Variants in GPHN observed in about 807,000 individuals in gnomAD.
GPHN encodes the protein gephyrin.
In GPHN, 17 loss-of-function variants were observed where a neutral mutation model predicts 95.5. The observed-to-expected ratio is 0.18, with a 90% CI of 0.12 to 0.27. GPHN has a LOEUF of 0.27. GPHN is among the 10% of genes least tolerant of loss of function. GPHN has a pLI of 1.00. For missense variants in GPHN, 660 were observed against 978.1 expected, an observed-to-expected ratio of 0.67 and a Z score of 4.34; for synonymous variants, 320 against 322.5, an observed-to-expected ratio of 0.99 and a Z score of 0.08.
At chr14:66,577,021 T>G (rs1470249811) in intron 1 of GPHN, among the ~76,000 whole-genome samples, 2 of 152,206 alleles carry the variant, frequency 1.3e-5, no homozygotes, top group South Asian at 2.1e-4. Flanking sequence ...GACATTGATG[T>G]TATAACTGAA....
chr14:67,429,093 A>G, the GPHN span, among the ~76,000 whole-genome samples: 1 of 152,172 alleles, frequency 6.6e-6, no homozygotes, highest in Non-Finnish European at 1.5e-5. Flanking sequence ...TAACTTGCTC[A>G]AGTTCACAAA....
intron 20 of GPHN, among the ~76,000 whole-genome samples, chr14:67,166,056 C>T (rs2082258922): frequency 6.6e-6 from 1 of 152,074 alleles, no homozygotes; most frequent in South Asian, 2.1e-4. Context: ...ATTTACAAAT[C>T]TCATGGCTTT....
At chr14:66,605,527 A>ATT (rs59245552) in intron 1 of GPHN, among the ~76,000 whole-genome samples, 19,119 of 116,278 alleles carry the variant, frequency 0.16, 2,789 homozygotes, top group East Asian at 0.4. Context: ...TCCTTTGCCG[A>ATT]TTTTTTTTTT....
At chr14:66,961,900 GTATATATATATATA>G (rs767734322) in intron 8 of GPHN, among the ~76,000 whole-genome samples, 535 of 53,004 alleles carry the variant, frequency 0.01, 9 homozygotes, top group South Asian at 0.03. Flanking sequence ...CCCTGAATGT[GTATATATATATATA>G]TATATATATA....
intron 18 of GPHN, among the ~76,000 whole-genome samples, chr14:67,146,555 C>G (rs1428143805): frequency 6.6e-6 from 1 of 152,166 alleles, no homozygotes; most frequent in Non-Finnish European, 1.5e-5. Context: ...TTCTAAGTCT[C>G]TTAAGTTTTG....
At chr14:67,020,491 C>G (rs568700834) in intron 9 of GPHN, among the ~76,000 whole-genome samples, 1 of 152,166 alleles carries the variant, frequency 6.6e-6, no homozygotes, top group Non-Finnish European at 1.5e-5. Context: ...TATGTGCTCT[C>G]CCTTCTGTTT....
intron 1 of GPHN, among the ~76,000 whole-genome samples, chr14:66,512,794 T>A (rs1251220070): frequency 6.6e-6 from 1 of 151,798 alleles, no homozygotes; most frequent in African/African-American, 2.4e-5. Flanking sequence ...TCTGCAATTG[T>A]TTAAGCATTT....
chr14:67,572,029 C>T, the GPHN span: 32 of 1,478,652 alleles, frequency 2.2e-5, no homozygotes, highest in Non-Finnish European at 2.7e-5. Flanking sequence ...CCACCCCCAG[C>T]CCCAGAGACC....
At chr14:66,765,932 C>T (rs760648170) in intron 2 of GPHN, among the ~76,000 whole-genome samples, 6 of 152,130 alleles carry the variant, frequency 3.9e-5, no homozygotes, top group Non-Finnish European at 8.8e-5. Flanking sequence ...AATAGAGACT[C>T]CAGTTCCACC....
intron 1 of GPHN, among the ~76,000 whole-genome samples, chr14:66,569,956 C>A (rs1374977411): frequency 1.3e-5 from 2 of 152,130 alleles, no homozygotes; most frequent in African/African-American, 4.8e-5. Context: ...CATCCTCCAT[C>A]CCTAGCCCCT....
rs139281336 is a variant in GPHN at position 66,861,587 on chromosome 14, T to C, written c.295-18352T>C. 1.4e-4 allele frequency among the ~76,000 whole-genome samples: 22 copies of C among 152,188 alleles called. No individual in the cohort carries two copies. In the East Asian group the frequency reaches 4.2e-3, roughly 29 times the overall value. On this transcript the variant is annotated intron_variant, in intron 4 of 22. Coordinates refer to ENST00000478722, the MANE Select transcript of GPHN (RefSeq NM_020806.5). ...AGAGATAATTCTAAAGGATAGACCATATGTTGGGTCACAAAACAAGCCTCA... is the reference window on the plus strand; with the variant it reads ...AGAGATAATTCTAAAGGATAGACCACATGTTGGGTCACAAAACAAGCCTCA...
chr14:66,822,577 A>G (rs1358642539), intron 3 of GPHN, among the ~76,000 whole-genome samples: 1 of 152,204 alleles, frequency 6.6e-6, no homozygotes, highest in East Asian at 1.9e-4. Context: ...TAGGTACTTC[A>G]TAAATGTTTA....
chr14:67,177,061 TTG>T (rs2083012374), intron 21 of GPHN, among the ~76,000 whole-genome samples: 1 of 152,330 alleles, frequency 6.6e-6, no homozygotes, highest in East Asian at 1.9e-4. Flanking sequence ...GAAGGGTTTT[TTG>T]TGTCTCTATC....
chr14:66,651,456 C>T (rs989774095), intron 1 of GPHN, among the ~76,000 whole-genome samples: 2 of 152,130 alleles, frequency 1.3e-5, no homozygotes, highest in African/African-American at 4.8e-5. Context: ...GTATGATCAC[C>T]TATCTCGGCT....
At chr14:66,997,444 C>A (rs2071894664) in intron 9 of GPHN, among the ~76,000 whole-genome samples, 2 of 149,610 alleles carry the variant, frequency 1.3e-5, no homozygotes, top group South Asian at 4.2e-4. Context: ...AACATAATTT[C>A]TACATGTATT....
intron 9 of GPHN, among the ~76,000 whole-genome samples, chr14:67,017,472 A>C (rs1222781180): frequency 6.6e-6 from 1 of 152,060 alleles, no homozygotes; most frequent in Non-Finnish European, 1.5e-5. Context: ...TAATCTTATG[A>C]GTAGATGGTA....
chr14:67,697,430 T>C, the GPHN span, among the ~76,000 whole-genome samples: 2 of 152,124 alleles, frequency 1.3e-5, no homozygotes, highest in Non-Finnish European at 2.9e-5. Context: ...CAGGGTGCAC[T>C]AGAGCAACAG....
chr14:66,641,721 A>G (rs1256633029), intron 1 of GPHN, among the ~76,000 whole-genome samples: 4 of 152,094 alleles, frequency 2.6e-5, no homozygotes, highest in Non-Finnish European at 5.9e-5. Context: ...TTAATTTACA[A>G]CTATATAACA....
At chr14:67,494,726 C>A in the GPHN span, among the ~76,000 whole-genome samples, 2 of 152,152 alleles carry the variant, frequency 1.3e-5, no homozygotes, top group Non-Finnish European at 2.9e-5. Flanking sequence ...GAGAGGTGAC[C>A]TGAAGACCCC....
Sources: allele counts gnomAD v4.1 joint callset (sites outside exome capture counted in the v4.1 genomes callset), GRCh38; gene constraint gnomAD v4.1.1; transcripts MANE v1.5; gene names NCBI Gene and HGNC (gene_info 2026-07-23, HGNC 2026-07-21).